The following KDM6A variants were observed in gnomAD, a reference collection of about 807,000 sequenced individuals.
KDM6A encodes lysine demethylase 6A, also known as lysine-specific demethylase 6A.
KDM6A carries 11 observed loss-of-function variants against 117.6 expected under a neutral mutation model. The observed-to-expected ratio is 0.09, with a 90% CI of 0.06 to 0.15. The LOEUF is 0.15. Among genes scored for constraint, KDM6A ranks in the 10% least tolerant of loss-of-function variants. The pLI is 1.00. For missense variants in KDM6A, 799 were observed against 1,077.3 expected (o/e 0.74, Z 3.62); for synonymous variants, 384 against 396.1 (o/e 0.97, Z 0.36).
chrX:44,913,090 C>T (rs995808871), intron 2 of KDM6A, among the ~76,000 whole-genome samples: 2 of 111,756 alleles, frequency 1.8e-5, no homozygotes, highest in Admixed American at 9.5e-5. Context: ...CATGCTACCC[C>T]TGTAAACAGG....
chrX:45,052,813 C>T (rs1372309184), intron 9 of KDM6A, among the ~76,000 whole-genome samples: 1 of 111,393 alleles, frequency 9.0e-6, no homozygotes, highest in Non-Finnish European at 1.9e-5. Flanking sequence ...CCTCAGCCCC[C>T]CGAGTAGCTA....
chrX:44,961,512 G>A, intron 3 of KDM6A, 120 bp downstream of exon 3: 1 of 482,347 alleles, frequency 2.1e-6, no homozygotes, highest in East Asian at 3.9e-5. Context: ...TAAACAATGA[G>A]GAAGAAAAGT....
chrX:45,036,685 C>T (rs1034592180), intron 7 of KDM6A, among the ~76,000 whole-genome samples: 1 of 112,263 alleles, frequency 8.9e-6, no homozygotes, highest in Non-Finnish European at 1.9e-5. Context: ...AAATTCTTTT[C>T]AAATTAGTTT....
intron 2 of KDM6A, among the ~76,000 whole-genome samples, chrX:44,900,742 C>T (rs984162459): frequency 9.0e-6 from 1 of 110,512 alleles, no homozygotes; most frequent in Non-Finnish European, 1.9e-5. Flanking sequence ...ACTAAAAATA[C>T]AAAAATTAGC....
At chrX:44,889,679 C>T (rs189348376) in intron 2 of KDM6A, among the ~76,000 whole-genome samples, 83 of 111,484 alleles carry the variant, frequency 7.4e-4, no homozygotes, top group Middle Eastern at 4.6e-3. Flanking sequence ...AGAGGTGAGT[C>T]CTATCTGAAG....
intron 10 of KDM6A, among the ~76,000 whole-genome samples, chrX:45,056,867 A>G (rs1380001981): frequency 9.0e-6 from 1 of 111,605 alleles, no homozygotes; most frequent in African/African-American, 3.3e-5. Context: ...ATAAATCTGA[A>G]ATGGCTTTGA....
intron 29 of KDM6A, among the ~76,000 whole-genome samples, chrX:45,110,451 G>A (rs911546328): frequency 9.0e-6 from 1 of 111,289 alleles, no homozygotes; most frequent in South Asian, 3.7e-4. Context: ...ATCATTTTCA[G>A]TTTTCCTGGG....
At position 45,069,966 on chromosome X, in the gene KDM6A, G is replaced by T. The variant is rs1440005262; in HGVS notation, c.2467G>T (p.Gly823Cys). The change falls in exon 18 of 30, where the codon GGT (glycine) becomes TGT (cysteine). Residue 823 changes from glycine to cysteine, a missense_variant. Coordinates refer to ENST00000611820, the MANE Select transcript of KDM6A (RefSeq NM_001291415.2). ...TAGCCATGGAGATTCTAAGTCACCA[G>T]GTTTACTAAGTTCAGACAATCCTCA... is the stretch of plus-strand genomic sequence containing the variant. Reference protein sequence around the residue: ...SPSHGDSKSPGLLSSDNPQLS... With the variant: ...SPSHGDSKSPCLLSSDNPQLS... 8.3e-7 allele frequency: 1 copy of T among 1,211,763 alleles called. No homozygotes were observed. The highest frequency in any genetic ancestry group is 2.2e-5 in the Admixed American group (1 of 46,005).
At chrX:45,011,105 G>A (rs2041735468) in intron 5 of KDM6A, 86 bp downstream of exon 5, 1 of 688,178 alleles carries the variant, frequency 1.5e-6, no homozygotes, top group African/African-American at 2.1e-5. Flanking sequence ...TTTTGTGTGT[G>A]TGTGTAATAA....
intron 2 of KDM6A, among the ~76,000 whole-genome samples, chrX:44,896,772 ATTTTC>A (rs1309967981): frequency 9.4e-6 from 1 of 106,777 alleles, no homozygotes; most frequent in Non-Finnish European, 1.9e-5. Context: ...GTGGACAGTT[ATTTTC>A]TTTAAGTACT....
intron 8 of KDM6A, among the ~76,000 whole-genome samples, chrX:45,040,963 A>C (rs1295693688): frequency 2.0e-3 from 40 of 19,785 alleles, no homozygotes; most frequent in Non-Finnish European, 2.6e-3. Context: ...GGCGCCCCTC[A>C]CCTCCCGGAC....
chrX:44,896,110 G>A lies in KDM6A; in HGVS notation c.225+22123G>A, dbSNP rs751562352. Reference sequence around the variant, plus strand: ...TTTTTTTGAGACAGAGTCTGGCTCAGTCACCCAGGCTAGAGTGCAGTGGCT... The same window carrying A: ...TTTTTTTGAGACAGAGTCTGGCTCAATCACCCAGGCTAGAGTGCAGTGGCT... On this transcript the variant is annotated intron_variant, in intron 2 of 29. Transcript: ENST00000611820. Among the ~76,000 whole-genome samples, 551 of 106,129 alleles carry A rather than the reference G, an allele frequency of 5.2e-3. 5 individuals carry two copies. Among genetic ancestry groups the A allele is most frequent in the African/African-American group, 0.018 (520 of 28,912 alleles). The allele number at this position is 106,129 out of a possible 115,157, so 92.2% of individuals were successfully genotyped here.
chrX:44,987,121 A>G (rs2040274584), intron 4 of KDM6A, among the ~76,000 whole-genome samples: 4 of 111,665 alleles, frequency 3.6e-5, no homozygotes, highest in Admixed American at 2.8e-4. Context: ...TATATTTAGG[A>G]TAGTTAGCTC....
At chrX:44,890,690 T>C (rs944205567) in intron 2 of KDM6A, among the ~76,000 whole-genome samples, 10 of 95,811 alleles carry the variant, frequency 1.0e-4, no homozygotes, top group African/African-American at 4.0e-4. Context: ...GTTTCGCTCT[T>C]GTTGCCCAGG....
At position 45,076,779 on chromosome X, in the gene KDM6A, C is replaced by T; in HGVS notation, c.2941C>T (p.Pro981Ser). ...PPPRPPSSPY[P>S]PLPKDKLNPP... ...TCCAAGACCACCATCTTCACCATACCCTCCCTTGCCAAAGGACAAGTTGAA... is the reference window on the plus strand; with the variant it reads ...TCCAAGACCACCATCTTCACCATACTCTCCCTTGCCAAAGGACAAGTTGAA... Residue 981 changes from proline to serine, a missense_variant, in exon 19 of 30, where the codon CCT becomes TCT. Coordinates refer to ENST00000611820, the MANE Select transcript of KDM6A (RefSeq NM_001291415.2). The T allele has an allele frequency of 8.4e-7, 1 of 1,195,027 alleles. No individual in the cohort carries two copies. Among genetic ancestry groups the T allele is most frequent in the Non-Finnish European group, 1.1e-6 (1 of 881,667 alleles).
chrX:45,068,804 C>T (rs1423918799), intron 17 of KDM6A, among the ~76,000 whole-genome samples: 1 of 97,808 alleles, frequency 1.0e-5, no homozygotes, highest in African/African-American at 4.1e-5. Flanking sequence ...CTTTCTCTTT[C>T]TCTTTCTCTT....
intron 4 of KDM6A, among the ~76,000 whole-genome samples, chrX:44,978,858 T>G (rs775321237): frequency 6.2e-5 from 7 of 112,145 alleles, no homozygotes; most frequent in African/African-American, 2.3e-4. Context: ...TATATTCTTT[T>G]GTTTTTGATA....
intron 2 of KDM6A, among the ~76,000 whole-genome samples, chrX:44,876,861 A>G (rs2031622926): frequency 9.0e-6 from 1 of 111,225 alleles, no homozygotes; most frequent in Non-Finnish European, 1.9e-5. Context: ...ATGTACGTAT[A>G]CATATATACA....
At chrX:44,950,257 AC>A (rs1354555854) in intron 2 of KDM6A, among the ~76,000 whole-genome samples, 1 of 110,359 alleles carries the variant, frequency 9.1e-6, no homozygotes, top group African/African-American at 3.3e-5. Flanking sequence ...ATCGTGATCC[AC>A]CCGCCTCGGC....
Sources: gnomAD v4.1 joint callset for allele counts (sites outside exome capture counted in the v4.1 genomes callset) on GRCh38, gnomAD v4.1.1 for gene constraint, MANE v1.5 for transcripts, NCBI Gene and HGNC (gene_info 2026-07-23, HGNC 2026-07-21) for gene names.